The following AUTS2 variants were observed in gnomAD, a reference collection of about 807,000 sequenced individuals.
AUTS2 encodes autism susceptibility gene 2 protein.
AUTS2 carries 17 observed loss-of-function variants against 112.4 expected under a neutral mutation model. That is an observed-to-expected ratio of 0.15 (90% CI 0.10 to 0.23). AUTS2 has a LOEUF of 0.23. Among genes scored for constraint, AUTS2 ranks in the 10% least tolerant of loss-of-function variants. The probability of loss-of-function intolerance (pLI) is 1.00; values close to 1 mark genes in which losing one functional copy is unlikely to be tolerated. For synonymous variants in AUTS2, 751 were observed against 702.7 expected, an observed-to-expected ratio of 1.07 and a Z score of -1.09; for missense variants, 1,510 against 1,701.6, an observed-to-expected ratio of 0.89 and a Z score of 1.98.
chr7:70,643,995 C>T (rs1167603872), intron 5 of AUTS2, among the ~76,000 whole-genome samples: 2 of 152,074 alleles, frequency 1.3e-5, no homozygotes, highest in African/African-American at 2.4e-5. Context: ...ACCTGGGGTA[C>T]GGCCTGAGAA....
Position 70,771,609 on chromosome 7 carries a change from C to T in AUTS2, c.1795C>T (p.Pro599Ser), listed in dbSNP as rs747841534. The change falls in exon 11 of 19, where the codon CCT (proline) becomes TCT (serine). Residue 599 changes from proline (P) to serine (S), a missense_variant. Pro to Ser is a moderately conservative substitution (Grantham distance 74). Coordinates refer to ENST00000342771, the MANE Select transcript of AUTS2 (RefSeq NM_015570.4). ...CCCCCCTATGATCCCACCCACTGGC[C>T]CTTTTGGTTCACTACAAGGAGCATT... ...GIPPMIPPTGPFGSLQGAFQP... is the reference protein window; with the variant it reads ...GIPPMIPPTGSFGSLQGAFQP... 5 of 1,613,590 alleles carry T rather than the reference C, an allele frequency of 3.1e-6. No homozygotes were observed. The highest frequency in any genetic ancestry group is 4.2e-6 in the Non-Finnish European group (5 of 1,179,710).
intron 12 of AUTS2, 90 bp downstream of exon 12, chr7:70,774,189 C>A: frequency 8.4e-7 from 1 of 1,187,874 alleles, no homozygotes; most frequent in Non-Finnish European, 1.2e-6. Flanking sequence ...TCTTCCTTAG[C>A]TCCTTTGAGC....
chr7:69,758,080 C>T (rs1788017200), intron 1 of AUTS2, among the ~76,000 whole-genome samples: 2 of 152,190 alleles, frequency 1.3e-5, no homozygotes, highest in South Asian at 4.1e-4. Flanking sequence ...GTGTTTTCCC[C>T]CCAGGGACCA....
At chr7:69,617,565 C>CT in intron 1 of AUTS2, among the ~76,000 whole-genome samples, 1 of 152,110 alleles carries the variant, frequency 6.6e-6, no homozygotes, top group East Asian at 1.9e-4. Context: ...CCTGCAGTCA[C>CT]TTTAACTGAG....
At chr7:70,534,902 C>G (rs142922538) in intron 5 of AUTS2, among the ~76,000 whole-genome samples, 73 of 151,652 alleles carry the variant, frequency 4.8e-4, no homozygotes, top group African/African-American at 1.7e-3. Flanking sequence ...ATGTCACGAA[C>G]TGGTGAAAAA....
intron 2 of AUTS2, among the ~76,000 whole-genome samples, chr7:70,044,687 T>C (rs1001922935): frequency 5.3e-5 from 8 of 152,198 alleles, no homozygotes; most frequent in African/African-American, 1.9e-4. Flanking sequence ...GACCCGTTCC[T>C]TTTCATAGCC....
At chr7:70,722,360 T>C (rs75974466) in intron 6 of AUTS2, among the ~76,000 whole-genome samples, 31,241 of 152,090 alleles carry the variant, frequency 0.21, 3,427 homozygotes, top group Middle Eastern at 0.31. Context: ...TGTAGCTGCT[T>C]TGGGAAGAGG....
At chr7:70,541,701 G>C (rs539495760) in intron 5 of AUTS2, among the ~76,000 whole-genome samples, 1 of 152,196 alleles carries the variant, frequency 6.6e-6, no homozygotes, top group Non-Finnish European at 1.5e-5. Flanking sequence ...TATTGGGAGG[G>C]ACAGACAATT....
chr7:70,647,697 C>T (rs1277724643), intron 5 of AUTS2, among the ~76,000 whole-genome samples: 1 of 152,158 alleles, frequency 6.6e-6, no homozygotes, highest in East Asian at 1.9e-4. Context: ...GGGTATCATA[C>T]CTGTCTCTCA....
At chr7:70,511,646 G>A (rs1799200216) in intron 5 of AUTS2, among the ~76,000 whole-genome samples, 1 of 131,858 alleles carries the variant, frequency 7.6e-6, no homozygotes, top group Admixed American at 9.2e-5. Flanking sequence ...CACGATCTGG[G>A]CTCACTGCAA....
chr7:70,089,604 T>C (rs1286863511), intron 2 of AUTS2, among the ~76,000 whole-genome samples: 1 of 152,224 alleles, frequency 6.6e-6, no homozygotes, highest in Admixed American at 6.5e-5. Flanking sequence ...TTAGACTGTT[T>C]ATATACTTTC....
At chr7:69,918,068 C>G (rs1423030113) in intron 2 of AUTS2, among the ~76,000 whole-genome samples, 1 of 152,110 alleles carries the variant, frequency 6.6e-6, no homozygotes, top group East Asian at 1.9e-4. Flanking sequence ...GTCTTGATTT[C>G]CTGACCTCGT....
intron 14 of AUTS2, among the ~76,000 whole-genome samples, chr7:70,778,722 TTTA>T (rs1242396699): frequency 6.6e-6 from 1 of 152,234 alleles, no homozygotes. Flanking sequence ...TCATTTGTAC[TTTA>T]TTGTTAGGGG....
At position 69,639,611 on chromosome 7, in the gene AUTS2, C is replaced by T. The variant is rs2129116831; in HGVS notation, c.309+39649C>T. Among the ~76,000 whole-genome samples the T allele has an allele frequency of 2.0e-5, 3 of 152,332 alleles. No individual in the cohort carries two copies. The Middle Eastern group carries it at 0.01, about 518-fold the overall frequency. Reference sequence around the variant, plus strand: ...GTGGTCTACCCTGTCTTTAAAAGAGCATACCATTTGATGTTTGTTAGCTTG... The same window carrying T: ...GTGGTCTACCCTGTCTTTAAAAGAGTATACCATTTGATGTTTGTTAGCTTG... On this transcript the variant is annotated intron_variant, in intron 1 of 18. Transcript: ENST00000342771.
At chr7:69,793,094 G>A (rs1378354328) in intron 1 of AUTS2, among the ~76,000 whole-genome samples, 2 of 152,128 alleles carry the variant, frequency 1.3e-5, no homozygotes, top group Non-Finnish European at 2.9e-5. Flanking sequence ...AAGGAGGGCT[G>A]GGCTTTTTGC....
At chr7:69,658,392 G>A (rs977277600) in intron 1 of AUTS2, among the ~76,000 whole-genome samples, 3 of 152,218 alleles carry the variant, frequency 2.0e-5, no homozygotes, top group Non-Finnish European at 2.9e-5. Flanking sequence ...TTAGATGAAT[G>A]ACTGACCAAT....
intron 10 of AUTS2, among the ~76,000 whole-genome samples, chr7:70,769,293 C>T (rs1279921685): frequency 2.0e-5 from 3 of 152,216 alleles, no homozygotes; most frequent in African/African-American, 7.2e-5. Flanking sequence ...ACACCCAAAG[C>T]CCAGTAGACC....
chr7:70,351,860 C>G (rs1791783646), intron 4 of AUTS2, among the ~76,000 whole-genome samples: 1 of 152,054 alleles, frequency 6.6e-6, no homozygotes, highest in African/African-American at 2.4e-5. Context: ...TGCTAGCACA[C>G]CCAACTAATT....
chr7:70,612,817 A>G (rs1804165002), intron 5 of AUTS2, among the ~76,000 whole-genome samples: 1 of 151,876 alleles, frequency 6.6e-6, no homozygotes, highest in East Asian at 1.9e-4. Context: ...CAGAAGGTAT[A>G]TCCCCAAGAA....
Sources: allele counts gnomAD v4.1 joint callset (sites outside exome capture counted in the v4.1 genomes callset), GRCh38; gene constraint gnomAD v4.1.1; transcripts MANE v1.5; gene names NCBI Gene and HGNC (gene_info 2026-07-23, HGNC 2026-07-21).